DGKG: variants seen among roughly 807,000 people sequenced by gnomAD.
The protein encoded by DGKG is DAG kinase gamma.
DGKG carries 78 observed loss-of-function variants against 105.3 expected under a neutral mutation model. The observed-to-expected ratio is 0.74, with a 90% confidence interval of 0.62 to 0.89. DGKG has a LOEUF of 0.89. DGKG is among the 40% of genes least tolerant of loss of function. The pLI, the probability that DGKG is intolerant of heterozygous loss-of-function variation, is 0.00. For missense variants in DGKG, 958 were observed against 1,020.1 expected (o/e 0.94, Z 0.83); for synonymous variants, 346 against 367.1 (o/e 0.94, Z 0.66).
intron 1 of DGKG, among the ~76,000 whole-genome samples, chr3:186,326,109 G>A (rs1209889818): frequency 1.3e-5 from 2 of 152,142 alleles, no homozygotes; most frequent in African/African-American, 4.8e-5. Context: ...ATAGATGCGT[G>A]TGCTGGGCGT....
Position 186,243,750 on chromosome 3 carries a change from A to T in DGKG, c.1762-1182T>A, listed in dbSNP as rs542146217. Among the ~76,000 whole-genome samples, 7 of 152,290 alleles carry T rather than the reference A, an allele frequency of 4.6e-5. No individual in the cohort carries two copies. In the East Asian group the frequency reaches 1.3e-3, roughly 29 times the overall value. On this transcript the variant is annotated intron_variant, in intron 19 of 24. Transcript: ENST00000265022. ...ATGGGGGGTGACACAGAAACCAGGG[A>T]GTTGACTAGATTTGTTTTGCAATGA... is the stretch of plus-strand genomic sequence containing the variant.
chr3:186,175,589 C>A (rs926910043), intron 22 of DGKG, among the ~76,000 whole-genome samples: 1 of 152,134 alleles, frequency 6.6e-6, no homozygotes, highest in African/African-American at 2.4e-5. Flanking sequence ...AGGAGCCTGC[C>A]TCTAAGAGAA....
At chr3:186,235,718 T>C (rs1720383732) in intron 20 of DGKG, among the ~76,000 whole-genome samples, 1 of 152,192 alleles carries the variant, frequency 6.6e-6, no homozygotes, top group African/African-American at 2.4e-5. Context: ...TTGAGCTTTG[T>C]CGGTTTCTAT....
In DGKG at chr3:186,150,612, G is replaced by C. The variant is rs1214395705; in HGVS notation, c.2278-424C>G. 2.6e-5 allele frequency among the ~76,000 whole-genome samples: 4 copies of C among 152,164 alleles called. No individual in the cohort carries two copies. In the South Asian group the frequency reaches 8.3e-4, roughly 31 times the overall value. ...CAGATTCCCAGCCTCCATTGCTCCT[G>C]GTCATTCCTGCCAAGGCAGTGCTGA... On this transcript the variant is annotated intron_variant, in intron 24 of 24. Coordinates refer to ENST00000265022, the MANE Select transcript of DGKG (RefSeq NM_001346.3).
intron 9 of DGKG, among the ~76,000 whole-genome samples, chr3:186,278,134 A>G (rs1460745674): frequency 6.6e-6 from 1 of 152,180 alleles, no homozygotes. Flanking sequence ...TCCTCCTGCC[A>G]CAAGACAGCG....
intron 2 of DGKG, among the ~76,000 whole-genome samples, chr3:186,319,212 A>C (rs1724962270): frequency 6.6e-6 from 1 of 152,228 alleles, no homozygotes. Context: ...ACAAACCATT[A>C]GCCCTATGGT....
At position 186,353,565 on chromosome 3, in the gene DGKG, GTATATATATA is replaced by G. The variant is rs66460527; in HGVS notation, c.-249+8371_-249+8380del. On this transcript the variant is annotated intron_variant, in intron 1 of 24. Transcript: ENST00000265022. ...CACTTTTATATATACTTTTATGTAT[GTATATATATA>G]TATATATATATATATACACACACAC... 4.3e-3 allele frequency among the ~76,000 whole-genome samples: 508 copies of G among 117,016 alleles called. 4 individuals are homozygous for G. Among genetic ancestry groups the G allele is most frequent in the Non-Finnish European group, 6.6e-3 (387 of 58,460 alleles). The allele number at this position is 117,016 out of a possible 152,430, so 76.8% of individuals were successfully genotyped here. A position where few individuals can be genotyped will look rare whatever the true frequency, so the allele number is the denominator to read the frequency against.
chr3:186,238,839 C>T (rs1720543400), intron 20 of DGKG, among the ~76,000 whole-genome samples: 1 of 152,144 alleles, frequency 6.6e-6, no homozygotes, highest in Admixed American at 6.6e-5. Flanking sequence ...TTTTCTGGAA[C>T]CCACTATCTT....
chr3:186,165,365 G>A (rs1183006170), intron 22 of DGKG, among the ~76,000 whole-genome samples: 1 of 152,168 alleles, frequency 6.6e-6, no homozygotes, highest in Non-Finnish European at 1.5e-5. Context: ...AGACATATTG[G>A]TTTGGAACTA....
rs531065525 is a variant in DGKG at position 186,239,390 on chromosome 3, A to G, written c.1826+3114T>C. Among the ~76,000 whole-genome samples the G allele has an allele frequency of 6.6e-5, 10 of 152,318 alleles. No individual in the cohort carries two copies. In the South Asian group the frequency reaches 2.1e-3, roughly 32 times the overall value. On this transcript the variant is annotated intron_variant, in intron 20 of 24. Coordinates refer to ENST00000265022, the MANE Select transcript of DGKG (RefSeq NM_001346.3). Reference sequence around the variant, plus strand: ...TTTGATAATGCCGTTTACATTTCCAAATCCTGGGTATCAAGCTTTCTTCCT... The same window carrying G: ...TTTGATAATGCCGTTTACATTTCCAGATCCTGGGTATCAAGCTTTCTTCCT...
chr3:186,170,315 T>C (rs1177483933), intron 22 of DGKG, among the ~76,000 whole-genome samples: 3 of 152,170 alleles, frequency 2.0e-5, no homozygotes, highest in African/African-American at 7.2e-5. Context: ...ATCATTCCCA[T>C]TGGTCAGTGG....
intron 22 of DGKG, among the ~76,000 whole-genome samples, chr3:186,170,308 A>G (rs1435443656): frequency 6.6e-6 from 1 of 152,210 alleles, no homozygotes; most frequent in Non-Finnish European, 1.5e-5. Flanking sequence ...TGGGTGGATC[A>G]TTCCCATTGG....
chr3:186,316,688 C>T (rs1254861164), intron 2 of DGKG, among the ~76,000 whole-genome samples: 3 of 152,200 alleles, frequency 2.0e-5, no homozygotes, highest in Non-Finnish European at 2.9e-5. Flanking sequence ...CACCCTCACC[C>T]TATAGAAGGT....
chr3:186,171,861 T>A (rs1334706643), intron 22 of DGKG, among the ~76,000 whole-genome samples: 5 of 152,140 alleles, frequency 3.3e-5, no homozygotes, highest in African/African-American at 1.2e-4. Flanking sequence ...GTTGCTTTTT[T>A]TTTTTCCCCC....
In DGKG at chr3:186,352,924, T is replaced by A. The variant is rs560822357; in HGVS notation, c.-249+9022A>T. ...TCATCACTAGCTACAAGAAAAAAAA[T>A]GCACACTTTAATGTGACAAACGAGA... On this transcript the variant is annotated intron_variant, in intron 1 of 24. Transcript: ENST00000265022. 1.6e-3 allele frequency among the ~76,000 whole-genome samples: 240 copies of A among 152,114 alleles called. 5 individuals are homozygous for A. Among genetic ancestry groups the A allele is most frequent in the Non-Finnish European group, 2.1e-4 (14 of 67,988 alleles).
At chr3:186,288,143 A>G (rs1723153820) in intron 6 of DGKG, among the ~76,000 whole-genome samples, 1 of 152,072 alleles carries the variant, frequency 6.6e-6, no homozygotes, top group African/African-American at 2.4e-5. Context: ...GCACCACGAA[A>G]CTGAGCTCAA....
At position 186,191,180 on chromosome 3, in the gene DGKG, C is replaced by T. The variant is rs192479980; in HGVS notation, c.1918-2801G>A. ...TCCATGAAAACATAAAACATTGTGC[C>T]GAGATCAAACAGCATTTCCTAAGTG... On this transcript the variant is annotated intron_variant, in intron 21 of 24. Transcript: ENST00000265022. Among the ~76,000 whole-genome samples, 22 of 152,172 alleles carry T rather than the reference C, an allele frequency of 1.4e-4. 1 individual carries two copies. Among genetic ancestry groups the T allele is most frequent in the Admixed American group, 1.4e-3 (22 of 15,280 alleles).
Position 186,288,866 on chromosome 3 carries a change from C to T in DGKG, c.388G>A (p.Glu130Lys), listed in dbSNP as rs1161449602. The change falls in exon 6 of 25, where the codon GAG (glutamate) becomes AAG (lysine). Residue 130 changes from glutamate to lysine, a missense_variant. Glu to Lys is a moderately conservative substitution (Grantham distance 56, BLOSUM62 1). Around this residue, in one of 2 missense-constraint regions of DGKG, gnomAD observed 643 missense variants for 619.5 expected, o/e 1.04. Transcript: ENST00000265022. ...CAPDTESNMA[E>K]KQAPAEDQVA... ...TGGTCTTCAGCTGGTGCTTGCTTCT[C>T]AGCCATATTTGATTCTGCGATGAAC... The T allele has an allele frequency of 6.3e-7, 1 of 1,578,830 alleles. No homozygotes were observed. The highest frequency in any genetic ancestry group is 1.4e-5 in the African/African-American group (1 of 73,042).
rs190029524 is a variant in DGKG, at chr3:186,231,916, C to T, written c.1826+10588G>A. Among the ~76,000 whole-genome samples the T allele has an allele frequency of 7.9e-5, 12 of 151,956 alleles. No individual in the cohort carries two copies. Among genetic ancestry groups the T allele is most frequent in the African/African-American group, 1.9e-4 (8 of 41,376 alleles). ...GCCTGGGTGACAGAGAGAGAGACTC[C>T]GTCTCAAAAAAACAAAAATAAAAAC... On this transcript the variant is annotated intron_variant, in intron 20 of 24. Transcript: ENST00000265022. The surrounding 1 kb of genome is among the most constrained non-coding windows in gnomAD (Gnocchi z 4.5).
Sources: gnomAD v4.1 joint callset for allele counts (sites outside exome capture counted in the v4.1 genomes callset) on GRCh38, gnomAD v4.1.1 for gene constraint, gnomAD v4.1.1 regional missense constraint, Gnocchi (gnomAD v3.1) non-coding constraint, MANE v1.5 for transcripts, NCBI Gene and HGNC (gene_info 2026-07-23, HGNC 2026-07-21) for gene names.